ZNF587B: variants seen among roughly 807,000 people sequenced by gnomAD.
ZNF587B encodes the protein zinc finger protein 587B.
In ZNF587B, 6 loss-of-function variants were observed where a neutral mutation model predicts 7.2. The observed-to-expected ratio is 0.83, with a 90% CI of 0.46 to 1.65. The LOEUF (loss-of-function observed/expected upper bound fraction) is 1.65. Ranked by LOEUF, ZNF587B falls within the 40% of genes most tolerant of loss-of-function variation. The pLI, the probability that ZNF587B is intolerant of heterozygous loss-of-function variation, is 0.01. For synonymous variants in ZNF587B, 274 were observed against 254.3 expected (o/e 1.08, Z -0.74); for missense variants, 749 against 761.0 (o/e 0.98, Z 0.19).
At position 57,839,203 on chromosome 19, in the gene ZNF587B, C is replaced by CT. The variant is rs1371939330; in HGVS notation, c.163+57dup. On this transcript the variant is annotated intron_variant, in intron 2 of 2. Transcript: ENST00000594901. Reference sequence around the variant, plus strand: ...TGAGCTAGTCTCTGTTTTCCCCTGTCTTTCCCCATTGGCAAGACTTTCTCA... The same window carrying CT: ...TGAGCTAGTCTCTGTTTTCCCCTGTCTTTTCCCCATTGGCAAGACTTTCTCA... 2.5e-6 allele frequency: 4 copies of CT among 1,603,146 alleles called. No homozygotes were observed. The African/African-American group carries it at 4.0e-5, about 16-fold the overall frequency.
chr19:57,838,460 A>T (rs936319904), intron 1 of ZNF587B, among the ~76,000 whole-genome samples: 6 of 151,004 alleles, frequency 4.0e-5, no homozygotes, highest in Non-Finnish European at 5.9e-5. Context: ...AATTAGCCAG[A>T]TGTGGTGGCG....
At chr19:57,837,504 A>G (rs1313425512) in intron 1 of ZNF587B, among the ~76,000 whole-genome samples, 1 of 150,210 alleles carries the variant, frequency 6.7e-6, no homozygotes, top group Non-Finnish European at 1.5e-5. Context: ...GCTGGAGTGC[A>G]GTGGTGCTAT....
chr19:57,843,587 G>GTGTTTT lies in ZNF587B; in HGVS notation c.*1012_*1013insGTTTTT. The GTGTTTT allele has an allele frequency of 4.0e-6, 3 of 757,968 alleles. No homozygotes were observed. Among genetic ancestry groups the GTGTTTT allele is most frequent in the Non-Finnish European group, 4.6e-6 (3 of 657,634 alleles). The allele number at this position is 757,968 out of a possible 1,614,324, so 47.0% of individuals were successfully genotyped here. Reference sequence around the variant, plus strand: ...GTTTGGTTGGTTGGTTGGTTGGTTGGTTGTTTTTTTTTGTTTTTTTTTTTT... The same window carrying GTGTTTT: ...GTTTGGTTGGTTGGTTGGTTGGTTGGTGTTTTTTGTTTTTTTTTGTTTTTTTTTTTT... On this transcript the variant is annotated 3_prime_UTR_variant, in exon 3 of 3. Transcript: ENST00000594901.
chr19:57,845,615 T>C lies in ZNF587B; in HGVS notation c.*3039T>C, dbSNP rs1303105011. Reference sequence around the variant, plus strand: ...CTTCTATGGAGGCTAGTTTCCCCACTTAGGGCATGAGAAGAATTGGTAAAG... The same window carrying C: ...CTTCTATGGAGGCTAGTTTCCCCACCTAGGGCATGAGAAGAATTGGTAAAG... On this transcript the variant is annotated 3_prime_UTR_variant, in exon 3 of 3. Transcript: ENST00000594901. 6.6e-6 allele frequency: 1 copy of C among 152,194 alleles called. No homozygotes were observed. The highest frequency in any genetic ancestry group is 1.5e-5 in the Non-Finnish European group (1 of 68,020). The allele number at this position is 152,194 out of a possible 1,614,324, so 9.4% of individuals were successfully genotyped here.
Position 57,842,479 on chromosome 19 carries a change from G to T in ZNF587B, c.1805G>T (p.Gly602Val). 6.3e-7 allele frequency: 1 copy of T among 1,594,064 alleles called. No homozygotes were observed. ...ACTAATCACAGGAGAGTTCACACTG[G>T]AGAAAAGCCTTATGGGTGTAGTGAA... is the stretch of plus-strand genomic sequence containing the variant. ...SLTNHRRVHT[G>V]EKPYGCSECE... The change falls in exon 3 of 3, where the codon GGA (glycine) becomes GTA (valine). Residue 602 changes from glycine (G) to valine (V), a missense_variant. Physicochemically the swap from Gly to Val is moderately radical, Grantham distance 109. This residue lies in a region of ZNF587B where 656 missense variants were observed against 596.5 expected (regional missense o/e 1.10). Coordinates refer to ENST00000594901, the MANE Select transcript of ZNF587B (RefSeq NM_001376223.1).
At position 57,841,808 on chromosome 19, in the gene ZNF587B, A is replaced by G. The variant is rs1988867178; in HGVS notation, c.1134A>G (p.Glu378=). ...SLSYHQRIHT[E]VRPYKCGECG... ...GTTACCATCAGCGCATTCACACTGAAGTAAGACCTTACAAGTGTGGAGAAT... is the reference window on the plus strand; with the variant it reads ...GTTACCATCAGCGCATTCACACTGAGGTAAGACCTTACAAGTGTGGAGAAT... Residue 378 remains glutamate, a synonymous_variant, in exon 3 of 3, where the codon GAA becomes GAG. Coordinates refer to ENST00000594901, the MANE Select transcript of ZNF587B (RefSeq NM_001376223.1). 1 of 1,611,696 alleles carries G rather than the reference A, an allele frequency of 6.2e-7. No individual in the cohort carries two copies. Among genetic ancestry groups the G allele is most frequent in the African/African-American group, 1.3e-5 (1 of 74,816 alleles).
rs116937239 is a variant in ZNF587B, at chr19:57,839,268, G to A, written c.163+119G>A. ...ACACAGCTTCCTGCTTCAGTTCTAT[G>A]GGTAGGTTCTTGGTTGTAGGACTGA... On this transcript the variant is annotated intron_variant, in intron 2 of 2. Transcript: ENST00000594901. The A allele has an allele frequency of 1.6e-3, 2,408 of 1,486,680 alleles. 2 individuals carry two copies. Among genetic ancestry groups the A allele is most frequent in the Non-Finnish European group, 2.0e-3 (2,262 of 1,107,598 alleles). 92.1% of individuals were successfully genotyped at this position (1,486,680 alleles called of 1,614,324 possible).
Position 57,841,904 on chromosome 19 carries a change from C to G in ZNF587B, c.1230C>G (p.Tyr410Ter), listed in dbSNP as rs769938350. 3 of 1,613,698 alleles carry G rather than the reference C, an allele frequency of 1.9e-6. No homozygotes were observed. Among genetic ancestry groups the G allele is most frequent in the Non-Finnish European group, 2.5e-6 (3 of 1,179,906 alleles). The change falls in exon 3 of 3, where the codon TAC becomes TAG. Residue 410 changes from tyrosine to a stop codon, truncating the protein, a stop_gained. Transcript: ENST00000594901. LOFTEE classifies it low-confidence loss of function (END_TRUNC). ...HQRMHTGERP[Y>*]KCGDCGKSFN... Reference sequence around the variant, plus strand: ...GCATGCACACTGGAGAAAGACCTTACAAGTGTGGAGACTGTGGGAAATCTT... The same window carrying G: ...GCATGCACACTGGAGAAAGACCTTAGAAGTGTGGAGACTGTGGGAAATCTT...
rs533916163 is a variant in ZNF587B at position 57,831,674 on chromosome 19, G to A, written c.36+1110G>A. The stretch of plus-strand genomic sequence containing the variant: ...CTCCCAAAGTGCTGGGGTTACAGGC[G>A]CGAGCCACCGAGCCCAGCTTATTTT... On this transcript the variant is annotated intron_variant, in intron 1 of 2. Coordinates refer to ENST00000594901, the MANE Select transcript of ZNF587B (RefSeq NM_001376223.1). Among the ~76,000 whole-genome samples, 12 of 151,704 alleles carry A rather than the reference G, an allele frequency of 7.9e-5. No homozygotes were observed. In the South Asian group the frequency reaches 1.5e-3, roughly 18 times the overall value.
At chr19:57,834,760 GC>G (rs1349205489) in intron 1 of ZNF587B, among the ~76,000 whole-genome samples, 1 of 115,610 alleles carries the variant, frequency 8.6e-6, no homozygotes, top group East Asian at 2.8e-4. Context: ...AGGGAGAATT[GC>G]TTGAACCCCG....
Position 57,842,395 on chromosome 19 carries a change from G to A in ZNF587B, c.1721G>A (p.Gly574Asp), listed in dbSNP as rs770294625. 7.2e-5 allele frequency: 116 copies of A among 1,601,518 alleles called. No individual in the cohort carries two copies. In the Middle Eastern group the frequency reaches 8.3e-4, roughly 12 times the overall value. The change falls in exon 3 of 3, where the codon GGT becomes GAT. Residue 574 changes from glycine (G) to aspartate (D), a missense_variant. Transcript: ENST00000594901. ...ACTAGTCACAGGAGAGTTCACACTGGTCAGAAGCCTTATGAGTGCAGTGAA... is the reference window on the plus strand; with the variant it reads ...ACTAGTCACAGGAGAGTTCACACTGATCAGAAGCCTTATGAGTGCAGTGAA... ...YLTSHRRVHT[G>D]QKPYECSECG...
rs1989044156 is a variant in ZNF587B, at chr19:57,846,085, TTATC to T, written c.*3512_*3515del. ...CATCATCAGAGTCACCATAATGAAT[TTATC>T]TAATCTATCACCTTTGTATTTACTT... On this transcript the variant is annotated 3_prime_UTR_variant, in exon 3 of 3. Coordinates refer to ENST00000594901, the MANE Select transcript of ZNF587B (RefSeq NM_001376223.1). 6.6e-6 allele frequency: 1 copy of T among 152,188 alleles called. No homozygotes were observed. The highest frequency in any genetic ancestry group is 1.5e-5 in the Non-Finnish European group (1 of 68,036). 9.4% of individuals were successfully genotyped at this position (152,188 alleles called of 1,614,324 possible). A position where few individuals can be genotyped will look rare whatever the true frequency, so the allele number is the denominator to read the frequency against.
In ZNF587B at chr19:57,831,901, T is replaced by C. The variant is rs111431477; in HGVS notation, c.36+1337T>C. ...TTGTATTTTTAGTAGAGACGGGGTT[T>C]CGCCATGTTGCCTAGCCTGGTTTCG... On this transcript the variant is annotated intron_variant, in intron 1 of 2. Transcript: ENST00000594901. Among the ~76,000 whole-genome samples the C allele has an allele frequency of 4.6e-3, 693 of 151,392 alleles. 8 individuals are homozygous for C. The highest frequency in any genetic ancestry group is 0.016 in the African/African-American group (654 of 41,238).
intron 1 of ZNF587B, among the ~76,000 whole-genome samples, chr19:57,836,384 A>G (rs1380387623): frequency 1.3e-5 from 2 of 152,230 alleles, no homozygotes; most frequent in African/African-American, 2.4e-5. Context: ...GGTGTCAGCT[A>G]CGATGTAGTG....
chr19:57,842,160 T>G lies in ZNF587B; in HGVS notation c.1486T>G (p.Cys496Gly). ...TCACAGTGGAGAGAAGCCATATGCT[T>G]GTGAGGCTTGTCAGAAATTTTTTAG... Reference protein sequence around the residue: ...RIHSGEKPYACEACQKFFRHK... With the variant: ...RIHSGEKPYAGEACQKFFRHK... Residue 496 changes from cysteine (C) to glycine (G), a missense_variant, in exon 3 of 3, where the codon TGT (cysteine) becomes GGT (glycine). Transcript: ENST00000594901. 1 of 1,613,002 alleles carries G rather than the reference T, an allele frequency of 6.2e-7. No homozygotes were observed. Among genetic ancestry groups the G allele is most frequent in the Non-Finnish European group, 8.5e-7 (1 of 1,179,548 alleles).
intron 1 of ZNF587B, 95 bp downstream of exon 1, chr19:57,830,659 A>AG: frequency 7.1e-7 from 1 of 1,410,700 alleles, no homozygotes; most frequent in Non-Finnish European, 9.7e-7. Context: ...GCAGAGCCAT[A>AG]GGCAGCAGAT....
At position 57,845,590 on chromosome 19, in the gene ZNF587B, C is replaced by G. The variant is rs1192662290; in HGVS notation, c.*3014C>G. ...GACCTTCCTGCTACATCAATATTTG[C>G]TTCTATGGAGGCTAGTTTCCCCACT... On this transcript the variant is annotated 3_prime_UTR_variant, in exon 3 of 3. Coordinates refer to ENST00000594901, the MANE Select transcript of ZNF587B (RefSeq NM_001376223.1). 2 of 152,140 alleles carry G rather than the reference C, an allele frequency of 1.3e-5. No homozygotes were observed. Among genetic ancestry groups the G allele is most frequent in the Non-Finnish European group, 2.9e-5 (2 of 68,028 alleles). The allele number at this position is 152,140 out of a possible 1,614,324, so 9.4% of individuals were successfully genotyped here. A position where few individuals can be genotyped will look rare whatever the true frequency, so the allele number is the denominator to read the frequency against.
chr19:57,836,586 G>A (rs767293113), intron 1 of ZNF587B, among the ~76,000 whole-genome samples: 2 of 152,058 alleles, frequency 1.3e-5, no homozygotes, highest in African/African-American at 4.8e-5. Flanking sequence ...GAACTCCTAC[G>A]ATCAAGCAGT....
At chr19:57,839,764 T>G (rs1315124872) in intron 2 of ZNF587B, among the ~76,000 whole-genome samples, 4 of 151,792 alleles carry the variant, frequency 2.6e-5, no homozygotes, top group Admixed American at 1.3e-4. Context: ...CATAATAGGC[T>G]CAGAAGGAGT....
Sources: gnomAD v4.1 joint callset for allele counts (sites outside exome capture counted in the v4.1 genomes callset) on GRCh38, gnomAD v4.1.1 for gene constraint, gnomAD v4.1.1 regional missense constraint, MANE v1.5 for transcripts, NCBI Gene and HGNC (gene_info 2026-07-23, HGNC 2026-07-21) for gene names.